The following GDPD4 variants were observed in gnomAD, a reference collection of about 807,000 sequenced individuals.
GDPD4 encodes glycerophosphodiester phosphodiesterase domain containing 4, also known as glycerophosphodiester phosphodiesterase 6.
In GDPD4, 60 loss-of-function variants were observed where a neutral mutation model predicts 67.8. That is an observed-to-expected ratio of 0.88 (90% CI 0.72 to 1.10). GDPD4 has a LOEUF of 1.10. GDPD4 is among the 50% of genes least tolerant of loss of function. GDPD4 has a pLI of 0.00. For missense variants in GDPD4, 623 were observed against 613.9 expected, an observed-to-expected ratio of 1.01 and a Z score of -0.16; for synonymous variants, 212 against 210.9, an observed-to-expected ratio of 1.00 and a Z score of -0.04.
chr11:77,292,235 C>T (rs1049103901), intron 1 of GDPD4, among the ~76,000 whole-genome samples: 1 of 151,388 alleles, frequency 6.6e-6, no homozygotes, highest in Non-Finnish European at 1.5e-5. Context: ...TAACAGTAAG[C>T]AGGATAGAGT....
intron 4 of GDPD4, among the ~76,000 whole-genome samples, chr11:77,278,545 G>A (rs1018875213): frequency 1.3e-5 from 2 of 152,126 alleles, no homozygotes; most frequent in African/African-American, 4.8e-5. Flanking sequence ...TTCTCACAAC[G>A]TTCTGCTCAT....
intron 11 of GDPD4, among the ~76,000 whole-genome samples, chr11:77,247,488 A>G (rs1958801444): frequency 6.6e-6 from 1 of 152,256 alleles, no homozygotes; most frequent in Non-Finnish European, 1.5e-5. Flanking sequence ...CAGCTGAAGT[A>G]CATTGTGCCT....
chr11:77,280,020 T>C (rs897059343), intron 3 of GDPD4, among the ~76,000 whole-genome samples: 1 of 152,170 alleles, frequency 6.6e-6, no homozygotes, highest in Non-Finnish European at 1.5e-5. Context: ...AATTAAACTA[T>C]AGGTTAGTGA....
At chr11:77,283,850 A>AT (rs1959867169) in intron 3 of GDPD4, among the ~76,000 whole-genome samples, 1 of 142,604 alleles carries the variant, frequency 7.0e-6, no homozygotes, top group Non-Finnish European at 1.6e-5. Flanking sequence ...AGACATAATG[A>AT]ATTTTTTTTT....
chr11:77,237,220 G>T (rs1378531704), intron 13 of GDPD4, among the ~76,000 whole-genome samples: 1 of 152,102 alleles, frequency 6.6e-6, no homozygotes, highest in Non-Finnish European at 1.5e-5. Flanking sequence ...CAGAGTACAT[G>T]TCCAATAAAT....
At chr11:77,261,394 C>G (rs144858723) in intron 10 of GDPD4, among the ~76,000 whole-genome samples, 1 of 152,048 alleles carries the variant, frequency 6.6e-6, no homozygotes, top group Non-Finnish European at 1.5e-5. Flanking sequence ...CCCACCACCA[C>G]GCCCAGCTAA....
intron 4 of GDPD4, among the ~76,000 whole-genome samples, chr11:77,277,224 TAAA>T (rs34429129): frequency 2.2e-5 from 3 of 134,860 alleles, no homozygotes; most frequent in Admixed American, 7.5e-5. Context: ...TTTCCCCATG[TAAA>T]AAAAAAAAAA....
chr11:77,266,787 G>C (rs1303283455), intron 10 of GDPD4, among the ~76,000 whole-genome samples: 1 of 152,054 alleles, frequency 6.6e-6, no homozygotes, highest in Non-Finnish European at 1.5e-5. Flanking sequence ...TAGAGAATAA[G>C]GTTATAAAGA....
intron 1 of GDPD4, among the ~76,000 whole-genome samples, chr11:77,299,902 A>C (rs1628438): frequency 0.75 from 113,391 of 152,034 alleles, 43,380 homozygotes; most frequent in African/African-American, 0.93. Context: ...TCTATATGAC[A>C]AGCAAAGTAA....
chr11:77,240,195 A>G (rs1340558642), intron 13 of GDPD4, among the ~76,000 whole-genome samples: 2 of 152,208 alleles, frequency 1.3e-5, no homozygotes, highest in African/African-American at 4.8e-5. Flanking sequence ...AATCTTGTGC[A>G]AAAAGAACAA....
rs765463570 is a variant in GDPD4, at chr11:77,285,107, T to G, written c.31A>C (p.Ser11Arg). 4.3e-6 allele frequency: 7 copies of G among 1,612,774 alleles called. No homozygotes were observed. Among genetic ancestry groups the G allele is most frequent in the Non-Finnish European group, 8.5e-7 (1 of 1,178,914 alleles). ...CACCAGTCAAAGTTAAAGTATTCAC[T>G]GGATGTTTCTATCCACAGGAACAGC... Reference protein sequence around the residue: MLLFLWIETSSEYFNFDWVTF... With the variant: MLLFLWIETSREYFNFDWVTF... Residue 11 changes from serine to arginine, a missense_variant, in exon 3 of 17, where the codon AGT becomes CGT. Coordinates refer to ENST00000315938, the MANE Select transcript of GDPD4 (RefSeq NM_182833.3).
chr11:77,286,520 C>T (rs574889650), intron 2 of GDPD4, among the ~76,000 whole-genome samples: 1 of 152,318 alleles, frequency 6.6e-6, no homozygotes, highest in Non-Finnish European at 1.5e-5. Flanking sequence ...TCCTTGTGTT[C>T]CCCACCTCAG....
At chr11:77,292,627 T>C (rs147281074) in intron 1 of GDPD4, among the ~76,000 whole-genome samples, 4 of 151,034 alleles carry the variant, frequency 2.6e-5, no homozygotes, top group Non-Finnish European at 4.4e-5. Context: ...ATAGAAAAAA[T>C]AGGAAAAAAA....
intron 4 of GDPD4, among the ~76,000 whole-genome samples, chr11:77,279,099 A>C (rs916598711): frequency 6.6e-6 from 1 of 152,220 alleles, no homozygotes; most frequent in African/African-American, 2.4e-5. Context: ...ACATCCTCTA[A>C]CAGAACAGGC....
At chr11:77,291,316 G>A (rs1230598927) in intron 1 of GDPD4, among the ~76,000 whole-genome samples, 1 of 152,204 alleles carries the variant, frequency 6.6e-6, no homozygotes, top group Admixed American at 6.5e-5. Flanking sequence ...AGCTTAAAAA[G>A]TTGATCTCAT....
chr11:77,277,793 G>A (rs991126153), intron 4 of GDPD4, among the ~76,000 whole-genome samples: 2 of 151,508 alleles, frequency 1.3e-5, no homozygotes, highest in Non-Finnish European at 2.9e-5. Flanking sequence ...GAATGTGTTT[G>A]CTCTTGCTTC....
At chr11:77,274,765 GGAAATACAA>G (rs1234623931) in intron 5 of GDPD4, among the ~76,000 whole-genome samples, 4 of 152,098 alleles carry the variant, frequency 2.6e-5, no homozygotes, top group South Asian at 4.1e-4. Flanking sequence ...CTGGATTTGG[GGAAATACAA>G]GAAATACAAG....
At chr11:77,240,258 A>C (rs1210191082) in intron 13 of GDPD4, among the ~76,000 whole-genome samples, 2 of 152,208 alleles carry the variant, frequency 1.3e-5, no homozygotes, top group African/African-American at 4.8e-5. Flanking sequence ...AGATGTGATA[A>C]TCAAAACAGC....
At chr11:77,278,502 C>T (rs1031422220) in intron 4 of GDPD4, among the ~76,000 whole-genome samples, 1 of 152,172 alleles carries the variant, frequency 6.6e-6, no homozygotes, top group African/African-American at 2.4e-5. Context: ...ACAGAAATTG[C>T]TTAGCTTTTA....
Sources: gnomAD v4.1 joint callset for allele counts (sites outside exome capture counted in the v4.1 genomes callset) on GRCh38, gnomAD v4.1.1 for gene constraint, MANE v1.5 for transcripts, NCBI Gene and HGNC (gene_info 2026-07-23, HGNC 2026-07-21) for gene names.